The following POLR1A variants were observed in gnomAD, a reference collection of about 807,000 sequenced individuals.
POLR1A encodes RNA polymerase I subunit A, also known as DNA-directed RNA polymerase I subunit RPA1.
Under a neutral mutation model 205.3 loss-of-function variants are expected in POLR1A, and 84 were observed. The observed-to-expected ratio is 0.41, with a 90% CI of 0.34 to 0.49. The LOEUF is 0.49. Among genes scored for constraint, POLR1A ranks in the 20% least tolerant of loss-of-function variants. The pLI is 0.22. For synonymous variants in POLR1A, 799 were observed against 863.7 expected (o/e 0.93, Z 1.31); for missense variants, 1,645 against 2,204.5 (o/e 0.75, Z 5.08).
rs184580071 is a variant in POLR1A, at chr2:86,081,065, A to T, written c.924-87T>A. 178 of 1,225,188 alleles carry T rather than the reference A, an allele frequency of 1.5e-4. 1 individual carries two copies. In the East Asian group the frequency reaches 4.2e-3, roughly 29 times the overall value. The allele number at this position is 1,225,188 out of a possible 1,614,324, so 75.9% of individuals were successfully genotyped here. ...CCTCTCACCCATGCCTACTGTAGGGAGCACACCCCACCATGCTCAAAACAA... is the reference window on the plus strand; with the variant it reads ...CCTCTCACCCATGCCTACTGTAGGGTGCACACCCCACCATGCTCAAAACAA... On this transcript the variant is annotated intron_variant, in intron 8 of 33. Coordinates refer to ENST00000263857, the MANE Select transcript of POLR1A (RefSeq NM_015425.6).
chr2:86,022,389 CCTA>C lies in POLR1A; in HGVS notation c.*5031_*5033del, dbSNP rs890093080. 2 of 152,224 alleles carry C rather than the reference CCTA, an allele frequency of 1.3e-5. No individual in the cohort carries two copies. Among genetic ancestry groups the C allele is most frequent in the Admixed American group, 6.5e-5 (1 of 15,286 alleles). 9.4% of individuals were successfully genotyped at this position (152,224 alleles called of 1,614,324 possible). A position where few individuals can be genotyped will look rare whatever the true frequency, so the allele number is the denominator to read the frequency against. On this transcript the variant is annotated 3_prime_UTR_variant, in exon 34 of 34. Transcript: ENST00000263857. ...GAGGGCAGAGATCAGATCTTAAGATCCTACTGCAGAAACCTAGGGCCAGTGACT... is the reference window on the plus strand; with the variant it reads ...GAGGGCAGAGATCAGATCTTAAGATCCTGCAGAAACCTAGGGCCAGTGACT...
intron 21 of POLR1A, 128 bp from the exon 22 acceptor site, chr2:86,044,432 G>A: frequency 1.1e-6 from 1 of 940,782 alleles, no homozygotes; most frequent in Non-Finnish European, 1.6e-6. Flanking sequence ...CAAGACTTCA[G>A]AACAGGCTAG....
At chr2:86,030,522 A>C (rs1035570242) in intron 30 of POLR1A, 126 bp from the exon 31 acceptor site, 9 of 673,802 alleles carry the variant, frequency 1.3e-5, no homozygotes, top group Non-Finnish European at 2.1e-5. Context: ...CCTGCTGGGC[A>C]AGCCAGCAGG....
rs1169676379 is a variant in POLR1A, at chr2:86,077,988, G to A, written c.1258-7C>T. On this transcript the variant is annotated splice_polypyrimidine_tract_variant and splice_region_variant and intron_variant, in intron 10 of 33. Transcript: ENST00000263857. ...CTTCTTTCTTCTCCAGGATCTTTAT[G>A]GAGAAAAAAGGTCATAAAAAACATT... The A allele has an allele frequency of 6.2e-7, 1 of 1,613,418 alleles. No homozygotes were observed. The highest frequency in any genetic ancestry group is 1.3e-5 in the African/African-American group (1 of 74,864).
intron 14 of POLR1A, among the ~76,000 whole-genome samples, chr2:86,056,680 T>C (rs1214140709): frequency 1.3e-5 from 2 of 152,124 alleles, no homozygotes; most frequent in Non-Finnish European, 2.9e-5. Flanking sequence ...TGACTTTAAG[T>C]TGAAACCAGT....
In POLR1A at chr2:86,020,827, G is replaced by A. The variant is rs1188917888; in HGVS notation, c.*6596C>T. 6.6e-6 allele frequency: 1 copy of A among 152,238 alleles called. No individual in the cohort carries two copies. The highest frequency in any genetic ancestry group is 2.4e-5 in the African/African-American group (1 of 41,454). 9.4% of individuals were successfully genotyped at this position (152,238 alleles called of 1,614,324 possible). On this transcript the variant is annotated 3_prime_UTR_variant, in exon 34 of 34. Coordinates refer to ENST00000263857, the MANE Select transcript of POLR1A (RefSeq NM_015425.6). ...ACAAAAAATGTCCGCAGACACTGCT[G>A]AATGTCCCCTGGGGGGCAAATTGCC...
At chr2:86,097,418 T>C (rs1339844102) in intron 3 of POLR1A, among the ~76,000 whole-genome samples, 5 of 152,068 alleles carry the variant, frequency 3.3e-5, no homozygotes, top group South Asian at 2.1e-4. Flanking sequence ...AAGAAATTGG[T>C]ATATCAAAGA....
At chr2:86,097,214 CAAA>C (rs757210116) in intron 3 of POLR1A, among the ~76,000 whole-genome samples, 849 of 39,612 alleles carry the variant, frequency 0.021, 1 homozygote, top group African/African-American at 0.078. Flanking sequence ...CCCCAAAAGA[CAAA>C]AAAAAAAAAA....
In POLR1A at chr2:86,028,690, A is replaced by T. The variant is rs1672318578; in HGVS notation, c.4801T>A (p.Tyr1601Asn). Residue 1601 changes from tyrosine (Y) to asparagine (N), a missense_variant, in exon 32 of 34, where the codon TAC (tyrosine) becomes AAC (asparagine). Around this residue, in one of 16 missense-constraint regions of POLR1A, gnomAD observed 394 missense variants for 468.5 expected, o/e 0.84. Transcript: ENST00000263857. This position sits in a 1 kb window ranked among gnomAD's most constrained non-coding sequence, Gnocchi z 4.5. ...YAEVLDLRRL[Y>N]SNDIHAIANT... ...GCTATGGCGTGGATGTCGTTGGAGTAGAGGCGGCGCAGATCCAGGACCTGG... is the reference window on the plus strand; with the variant it reads ...GCTATGGCGTGGATGTCGTTGGAGTTGAGGCGGCGCAGATCCAGGACCTGG... 15 of 1,613,982 alleles carry T rather than the reference A, an allele frequency of 9.3e-6. No homozygotes were observed. The highest frequency in any genetic ancestry group is 1.3e-5 in the Non-Finnish European group (15 of 1,179,928).
intron 24 of POLR1A, among the ~76,000 whole-genome samples, chr2:86,041,170 TGTGTGTGTGTGTGTGTGTGTGCGC>T (rs1473154559): frequency 1.0e-5 from 1 of 97,268 alleles, no homozygotes; most frequent in Non-Finnish European, 2.3e-5. Context: ...TGTGTGTGTG[TGTGTGTGTGTGTGTGTGTGTGCGC>T]GCTGAGCTAC....
At chr2:86,089,745 T>C (rs1168602535) in intron 4 of POLR1A, 77 bp downstream of exon 4, 1 of 904,278 alleles carries the variant, frequency 1.1e-6, no homozygotes, top group Non-Finnish European at 1.8e-6. Flanking sequence ...GCCAGAAGTA[T>C]ATGCAAAGGA....
At position 86,065,265 on chromosome 2, in the gene POLR1A, C is replaced by G. The variant is rs1353303224; in HGVS notation, c.2058+9G>C. On this transcript the variant is annotated intron_variant, in intron 14 of 33. Coordinates refer to ENST00000263857, the MANE Select transcript of POLR1A (RefSeq NM_015425.6). Reference sequence around the variant, plus strand: ...TTGTTACATACACTGGCTGTTCTCTCCCAATTACCTGTTTTCCTGTCCACA... The same window carrying G: ...TTGTTACATACACTGGCTGTTCTCTGCCAATTACCTGTTTTCCTGTCCACA... 6.2e-7 allele frequency: 1 copy of G among 1,611,422 alleles called. No individual in the cohort carries two copies. Among genetic ancestry groups the G allele is most frequent in the Admixed American group, 1.7e-5 (1 of 59,514 alleles).
At chr2:86,040,027 G>A (rs1372369452) in intron 25 of POLR1A, 1 of 212,016 alleles carries the variant, frequency 4.7e-6, no homozygotes, top group African/African-American at 2.3e-5. Context: ...GGCCACGTGG[G>A]GGCACGTTCT....
chr2:86,101,708 C>T (rs1417364683), intron 1 of POLR1A, among the ~76,000 whole-genome samples: 1 of 152,172 alleles, frequency 6.6e-6, no homozygotes, highest in African/African-American at 2.4e-5. Context: ...GTATTAAGTA[C>T]ATTTGCATTG....
intron 12 of POLR1A, among the ~76,000 whole-genome samples, chr2:86,074,334 T>G (rs1021468649): frequency 2.6e-5 from 4 of 152,156 alleles, no homozygotes; most frequent in Non-Finnish European, 4.4e-5. Flanking sequence ...AGTCACCTAT[T>G]GACTCCGGTA....
rs1243684332 is a variant in POLR1A at position 86,022,889 on chromosome 2, C to CT, written c.*4533dup. 6.6e-4 allele frequency: 98 copies of CT among 148,140 alleles called. No individual in the cohort carries two copies. Among genetic ancestry groups the CT allele is most frequent in the East Asian group, 1.4e-3 (7 of 5,074 alleles). 9.2% of individuals were successfully genotyped at this position (148,140 alleles called of 1,614,324 possible). A position where few individuals can be genotyped will look rare whatever the true frequency, so the allele number is the denominator to read the frequency against. On this transcript the variant is annotated 3_prime_UTR_variant, in exon 34 of 34. Coordinates refer to ENST00000263857, the MANE Select transcript of POLR1A (RefSeq NM_015425.6). ...GCCACTGTGCCCGGCCAGAATCAATCTTTTTTTTTTTCCTAAGACGGAGTC... is the reference window on the plus strand; with the variant it reads ...GCCACTGTGCCCGGCCAGAATCAATCTTTTTTTTTTTTCCTAAGACGGAGTC...
chr2:86,075,308 G>T, intron 11 of POLR1A, 48 bp from the exon 12 acceptor site: 1 of 1,338,476 alleles, frequency 7.5e-7, no homozygotes, highest in Admixed American at 2.0e-5. Context: ...GATAAAAAAA[G>T]GTCTGATGGA....
chr2:86,043,250 G>C (rs1338347442), intron 22 of POLR1A, 55 bp from the exon 23 acceptor site: 2 of 1,455,040 alleles, frequency 1.4e-6, no homozygotes, highest in Non-Finnish European at 1.9e-6. Flanking sequence ...AGATCAAAGA[G>C]ATGAGGGCGT....
At chr2:86,099,157 C>G (rs1673764503) in intron 2 of POLR1A, among the ~76,000 whole-genome samples, 1 of 151,974 alleles carries the variant, frequency 6.6e-6, no homozygotes, top group Non-Finnish European at 1.5e-5. Context: ...TGAGACCAGC[C>G]TGGCCAACAT....
Sources: allele counts gnomAD v4.1 joint callset (sites outside exome capture counted in the v4.1 genomes callset), GRCh38; gene constraint gnomAD v4.1.1; regional missense constraint gnomAD v4.1.1; non-coding constraint Gnocchi (gnomAD v3.1); transcripts MANE v1.5; gene names NCBI Gene and HGNC (gene_info 2026-07-23, HGNC 2026-07-21).